CACNB2: variants seen among roughly 807,000 people sequenced by gnomAD.
CACNB2 encodes the protein voltage-dependent L-type calcium channel subunit beta-2.
A neutral mutation model predicts 73.3 loss-of-function variants in CACNB2; 42 were observed. That is an observed-to-expected ratio of 0.57 (90% CI 0.45 to 0.74). The LOEUF (loss-of-function observed/expected upper bound fraction) is 0.74. Among genes scored for constraint, CACNB2 ranks in the 30% least tolerant of loss-of-function variants. CACNB2 has a pLI of 0.00. For synonymous variants in CACNB2, 348 were observed against 310.3 expected, an observed-to-expected ratio of 1.12 and a Z score of -1.28; for missense variants, 940 against 853.0, an observed-to-expected ratio of 1.10 and a Z score of -1.27.
At chr10:18,348,888 G>A (rs1413606932) in intron 2 of CACNB2, among the ~76,000 whole-genome samples, 1 of 152,184 alleles carries the variant, frequency 6.6e-6, no homozygotes, top group Non-Finnish European at 1.5e-5. Context: ...GGAGGCCAAG[G>A]TGGGAAGATC....
At chr10:18,236,294 CAG>C (rs2036442060) in intron 2 of CACNB2, among the ~76,000 whole-genome samples, 1 of 152,192 alleles carries the variant, frequency 6.6e-6, no homozygotes, top group South Asian at 2.1e-4. Flanking sequence ...AAACCAAACA[CAG>C]AGGCACGATC....
At chr10:18,142,487 GA>G (rs1192207972) in intron 1 of CACNB2, among the ~76,000 whole-genome samples, 2 of 152,140 alleles carry the variant, frequency 1.3e-5, no homozygotes, top group Non-Finnish European at 2.9e-5. Context: ...AATGTACCCG[GA>G]GACCTCGGTT....
At chr10:18,298,851 C>G (rs939726515) in intron 2 of CACNB2, among the ~76,000 whole-genome samples, 3 of 151,788 alleles carry the variant, frequency 2.0e-5, no homozygotes, top group African/African-American at 7.3e-5. Context: ...TCTGCAAAAA[C>G]TGCTGTATGG....
At chr10:18,246,133 T>G (rs2036850538) in intron 2 of CACNB2, among the ~76,000 whole-genome samples, 1 of 152,150 alleles carries the variant, frequency 6.6e-6, no homozygotes, top group Non-Finnish European at 1.5e-5. Flanking sequence ...ACACCAATTC[T>G]CTATTCAGAC....
chr10:18,397,437 C>G (rs1299372069), intron 2 of CACNB2, among the ~76,000 whole-genome samples: 3 of 151,964 alleles, frequency 2.0e-5, no homozygotes, highest in African/African-American at 7.3e-5. Flanking sequence ...TGCACTCTAG[C>G]CTGGGCAACA....
At chr10:18,496,480 A>G (rs555079227) in intron 3 of CACNB2, among the ~76,000 whole-genome samples, 3 of 152,280 alleles carry the variant, frequency 2.0e-5, no homozygotes, top group African/African-American at 7.2e-5. Context: ...ATAGGGAGAA[A>G]CTGCTCCCTT....
intron 3 of CACNB2, among the ~76,000 whole-genome samples, chr10:18,496,795 C>CA (rs2049847723): frequency 1.6e-5 from 1 of 61,518 alleles, no homozygotes; most frequent in South Asian, 5.1e-4. Context: ...GCTTGGGCAA[C>CA]AAGAGCGAAA....
chr10:18,245,785 G>A (rs1481884664), intron 2 of CACNB2, among the ~76,000 whole-genome samples: 1 of 152,112 alleles, frequency 6.6e-6, no homozygotes, highest in Non-Finnish European at 1.5e-5. Flanking sequence ...AGTAATCAGA[G>A]ATTCAGAGTC....
At chr10:18,185,747 G>A (rs1265746104) in intron 2 of CACNB2, among the ~76,000 whole-genome samples, 1 of 152,134 alleles carries the variant, frequency 6.6e-6, no homozygotes, top group East Asian at 1.9e-4. Context: ...AGCTTTCTTT[G>A]CATACCCAGC....
At chr10:18,323,958 T>G (rs1021918139) in intron 2 of CACNB2, among the ~76,000 whole-genome samples, 3 of 152,316 alleles carry the variant, frequency 2.0e-5, no homozygotes, top group Admixed American at 6.5e-5. Context: ...GCATGTTATA[T>G]TCCATGAATA....
At chr10:18,179,808 A>C (rs1422056128) in intron 2 of CACNB2, among the ~76,000 whole-genome samples, 9 of 152,180 alleles carry the variant, frequency 5.9e-5, no homozygotes, top group Admixed American at 4.6e-4. Context: ...CAGACAAGTC[A>C]CTCAAACTAA....
At chr10:18,358,553 G>GCTCTCT (rs375264403) in intron 2 of CACNB2, among the ~76,000 whole-genome samples, 2 of 35,046 alleles carry the variant, frequency 5.7e-5, no homozygotes, top group African/African-American at 2.1e-4. Flanking sequence ...TCTCTCTCTC[G>GCTCTCT]CTCTCTCTCT....
At chr10:18,156,141 A>G (rs2131064652) in intron 2 of CACNB2, among the ~76,000 whole-genome samples, 1 of 152,312 alleles carries the variant, frequency 6.6e-6, no homozygotes, top group East Asian at 1.9e-4. Context: ...AGCATTTACC[A>G]GTGGTTTTAT....
chr10:18,300,503 A>G (rs542788134), intron 2 of CACNB2, among the ~76,000 whole-genome samples: 41 of 152,374 alleles, frequency 2.7e-4, no homozygotes, highest in African/African-American at 9.6e-4. Flanking sequence ...TCTAAAATAC[A>G]TTTGTGTTTA....
chr10:18,377,847 T>C (rs1325896879), intron 2 of CACNB2, among the ~76,000 whole-genome samples: 3 of 152,228 alleles, frequency 2.0e-5, no homozygotes, highest in Non-Finnish European at 2.9e-5. Flanking sequence ...TTCTGAAAAT[T>C]AGACTTGCCA....
chr10:18,307,392 G>A (rs2039774989), intron 2 of CACNB2, among the ~76,000 whole-genome samples: 2 of 152,180 alleles, frequency 1.3e-5, no homozygotes, highest in Non-Finnish European at 2.9e-5. Context: ...AACCTGAAAG[G>A]TGGAGGTTGT....
rs539785004 is a variant in CACNB2, at chr10:18,463,855, C to A, written c.334-34500C>A. On this transcript the variant is annotated intron_variant, in intron 3 of 13. Coordinates refer to ENST00000324631, the MANE Select transcript of CACNB2 (RefSeq NM_201596.3). ...AGCCCAAAACACCACATCCCAGCTC[C>A]TCCCGCTCCATGCAGCCTCCTAGCT... 2.6e-5 allele frequency among the ~76,000 whole-genome samples: 4 copies of A among 152,214 alleles called. No individual in the cohort carries two copies. In the South Asian group the frequency reaches 8.3e-4, roughly 32 times the overall value.
chr10:18,249,286 C>T (rs913238314), intron 2 of CACNB2, among the ~76,000 whole-genome samples: 5 of 152,320 alleles, frequency 3.3e-5, no homozygotes, highest in African/African-American at 1.2e-4. Context: ...CATGGGGTTC[C>T]AGCCCCTTGG....
intron 2 of CACNB2, among the ~76,000 whole-genome samples, chr10:18,282,596 A>G (rs1398415496): frequency 5.9e-5 from 9 of 152,238 alleles, no homozygotes. Context: ...AATGTTTCAT[A>G]GAATGCTGAG....
Sources: allele counts gnomAD v4.1 joint callset (sites outside exome capture counted in the v4.1 genomes callset), GRCh38; gene constraint gnomAD v4.1.1; transcripts MANE v1.5; gene names NCBI Gene and HGNC (gene_info 2026-07-23, HGNC 2026-07-21).